INTS6: variants seen among roughly 807,000 people sequenced by gnomAD.
INTS6 encodes the protein integrator complex subunit 6, also known as DEAD box protein.
Under a neutral mutation model 104.9 loss-of-function variants are expected in INTS6, and 16 were observed. The observed-to-expected ratio is 0.15, with a 90% CI of 0.10 to 0.23. The LOEUF (loss-of-function observed/expected upper bound fraction) is 0.23. Among genes scored for constraint, INTS6 ranks in the 10% least tolerant of loss-of-function variants. The pLI is 1.00. For missense variants in INTS6, 584 were observed against 1,062.8 expected (o/e 0.55, Z 6.26); for synonymous variants, 324 against 358.7 (o/e 0.90, Z 1.09).
chr13:51,343,307 C>A, the INTS6 span, among the ~76,000 whole-genome samples: 1 of 152,184 alleles, frequency 6.6e-6, no homozygotes, highest in Non-Finnish European at 1.5e-5. Context: ...GGGGGCTTCA[C>A]TTCTGGAAAC....
Position 51,364,136 on chromosome 13 carries a change from G to A in INTS6, c.*1616C>T. 1.9e-6 allele frequency: 1 copy of A among 513,256 alleles called. No individual in the cohort carries two copies. Among genetic ancestry groups the A allele is most frequent in the Non-Finnish European group, 3.3e-6 (1 of 303,490 alleles). The allele number at this position is 513,256 out of a possible 1,614,324, so 31.8% of individuals were successfully genotyped here. A position where few individuals can be genotyped will look rare whatever the true frequency, so the allele number is the denominator to read the frequency against. ...ACCTTAACAATTCCATCTATTAAAT[G>A]TTATCTTGCATTACTTAAAAGTATT... On this transcript the variant is annotated 3_prime_UTR_variant, in exon 18 of 18. Coordinates refer to ENST00000311234, the MANE Select transcript of INTS6 (RefSeq NM_012141.3).
rs911707775 is a variant in INTS6, at chr13:51,382,049, T to C, written c.1255A>G (p.Met419Val). The change falls in exon 10 of 18, where the codon ATG (methionine) becomes GTG (valine). Residue 419 changes from methionine to valine, a missense_variant. Met to Val is a conservative substitution (Grantham distance 21). Around this residue, in one of 5 missense-constraint regions of INTS6, gnomAD observed 144 missense variants for 348.7 expected, o/e 0.41. Transcript: ENST00000311234. ...RQSFESYLKT[M>V]PPYYLGPLKK... ...CTTACCCCAAGATAGTAGGGAGGCA[T>C]TGTCTTCAAATAACTTTCAAATGAC... 4 of 1,610,474 alleles carry C rather than the reference T, an allele frequency of 2.5e-6. No individual in the cohort carries two copies. The highest frequency in any genetic ancestry group is 3.5e-4 in the Middle Eastern group (2 of 5,650).
intron 4 of INTS6, among the ~76,000 whole-genome samples, chr13:51,416,145 A>T (rs1302441350): frequency 6.6e-6 from 1 of 152,222 alleles, no homozygotes; most frequent in East Asian, 1.9e-4. Context: ...ATTTAAAAGG[A>T]GGTAGAGAAG....
At chr13:51,405,014 C>A (rs1178114427) in intron 4 of INTS6, among the ~76,000 whole-genome samples, 1 of 151,924 alleles carries the variant, frequency 6.6e-6, no homozygotes, top group Admixed American at 6.6e-5. Flanking sequence ...GCATAAAGTA[C>A]AAAAGAATAA....
chr13:51,360,245 C>G (rs762546766), downstream of INTS6, among the ~76,000 whole-genome samples: 1 of 152,032 alleles, frequency 6.6e-6, no homozygotes, highest in Non-Finnish European at 1.5e-5. Context: ...TTTTAACATT[C>G]ATGCCACAGA....
chr13:51,358,184 A>C (rs566546259), downstream of INTS6, among the ~76,000 whole-genome samples: 1 of 152,162 alleles, frequency 6.6e-6, no homozygotes, highest in African/African-American at 2.4e-5. Context: ...CCCTCTCCCT[A>C]ACACTTAGTG....
rs2138181750 is a variant in INTS6, at chr13:51,451,031, A to G, written c.333T>C (p.Tyr111=). The change falls in exon 3 of 18, where the codon TAT becomes TAC. Residue 111 remains tyrosine, a synonymous_variant. Coordinates refer to ENST00000311234, the MANE Select transcript of INTS6 (RefSeq NM_012141.3). ...ACCTTATTATTCAACCTACCTGCCCATAGTTGTCTATGCCAGTTACTAATC... is the reference window on the plus strand; with the variant it reads ...ACCTTATTATTCAACCTACCTGCCCGTAGTTGTCTATGCCAGTTACTAATC... ...LNRLVTGIDN[Y]GQGRNPFFLE... is the part of the protein sequence containing the mutation. 6.5e-7 allele frequency: 1 copy of G among 1,527,038 alleles called. No individual in the cohort carries two copies. Among genetic ancestry groups the G allele is most frequent in the East Asian group, 2.3e-5 (1 of 42,764 alleles). 94.6% of individuals were successfully genotyped at this position (1,527,038 alleles called of 1,614,324 possible).
chr13:51,420,756 T>TAA lies in INTS6; in HGVS notation c.429+9536_429+9537dup, dbSNP rs75997381. Among the ~76,000 whole-genome samples the TAA allele has an allele frequency of 3.7e-4, 47 of 125,882 alleles. No homozygotes were observed. In the Middle Eastern group the frequency reaches 0.012, roughly 32 times the overall value. The allele number at this position is 125,882 out of a possible 152,430, so 82.6% of individuals were successfully genotyped here. On this transcript the variant is annotated intron_variant, in intron 4 of 17. Transcript: ENST00000311234. Reference sequence around the variant, plus strand: ...CAAGAGAATACCTTGCTAGCTAAATTAAAAAAAAAAAAAAAAAACTATCCA... The same window carrying TAA: ...CAAGAGAATACCTTGCTAGCTAAATTAAAAAAAAAAAAAAAAAAAACTATCCA...
intron 15 of INTS6, among the ~76,000 whole-genome samples, chr13:51,373,028 CCTTTT>C (rs1032206260): frequency 6.6e-6 from 1 of 152,008 alleles, no homozygotes; most frequent in African/African-American, 2.4e-5. Flanking sequence ...CTTCCGTACC[CCTTTT>C]ATTTTTCTGG....
At chr13:51,379,279 T>C (rs906989810) in intron 11 of INTS6, among the ~76,000 whole-genome samples, 183 bp downstream of exon 11, 3 of 152,036 alleles carry the variant, frequency 2.0e-5, no homozygotes, top group African/African-American at 7.2e-5. Context: ...TTCAAATTAA[T>C]GTTTCAAAAC....
chr13:51,425,995 T>A (rs887999928), intron 4 of INTS6, among the ~76,000 whole-genome samples: 1 of 151,780 alleles, frequency 6.6e-6, no homozygotes, highest in Non-Finnish European at 1.5e-5. Flanking sequence ...TATATACACA[T>A]AAAATTCAAT....
chr13:51,343,396 G>A, the INTS6 span, among the ~76,000 whole-genome samples: 55 of 152,202 alleles, frequency 3.6e-4, no homozygotes, highest in Admixed American at 3.5e-3. Flanking sequence ...AAGAGCCCTC[G>A]TTCCAGCTAT....
intron 3 of INTS6, among the ~76,000 whole-genome samples, chr13:51,433,791 C>A (rs993716594): frequency 6.6e-6 from 1 of 152,166 alleles, no homozygotes; most frequent in African/African-American, 2.4e-5. Flanking sequence ...TAGTCTTACA[C>A]AAAATACTCT....
chr13:51,335,910 A>G, the INTS6 span: 1 of 152,236 alleles, frequency 6.6e-6, no homozygotes, highest in African/African-American at 2.4e-5. Context: ...ACAACAATGT[A>G]TCTTTTTCAA....
the INTS6 span, among the ~76,000 whole-genome samples, chr13:51,336,566 G>A: frequency 5.9e-5 from 9 of 152,148 alleles, no homozygotes; most frequent in Non-Finnish European, 7.4e-5. Context: ...GTTACATGAC[G>A]ATTCCAAAGC....
At chr13:51,355,521 A>G (rs1955468145) in intron 3 of INTS6, among the ~76,000 whole-genome samples, 1 of 152,000 alleles carries the variant, frequency 6.6e-6, no homozygotes, top group Admixed American at 6.6e-5. Context: ...TTGTTTCTAC[A>G]CCCTTTTCCT....
the INTS6 span, among the ~76,000 whole-genome samples, chr13:51,334,915 A>G: frequency 0.025 from 3,758 of 149,972 alleles, 61 homozygotes; most frequent in South Asian, 0.057. Flanking sequence ...CCCAGGAGGC[A>G]GAGGTTGCAG....
the INTS6 span, among the ~76,000 whole-genome samples, chr13:51,340,411 G>C: frequency 1.3e-5 from 2 of 152,094 alleles, no homozygotes; most frequent in South Asian, 4.1e-4. Context: ...CAAGAATTCT[G>C]ATATTCGAGG....
chr13:51,377,216 T>A (rs563712571), intron 12 of INTS6, among the ~76,000 whole-genome samples: 1 of 152,184 alleles, frequency 6.6e-6, no homozygotes, highest in Admixed American at 6.6e-5. Context: ...ATTTTGCCCA[T>A]GTTTGTCCTT....
Sources: allele counts gnomAD v4.1 joint callset (sites outside exome capture counted in the v4.1 genomes callset), GRCh38; gene constraint gnomAD v4.1.1; regional missense constraint gnomAD v4.1.1; transcripts MANE v1.5; gene names NCBI Gene and HGNC (gene_info 2026-07-23, HGNC 2026-07-21).